The following NDFIP2 variants were observed in gnomAD, a reference collection of about 807,000 sequenced individuals.
NDFIP2 encodes NEDD4 family-interacting protein 2.
NDFIP2 carries 19 observed loss-of-function variants against 36.0 expected under a neutral mutation model. The ratio of observed to expected loss-of-function variants is 0.53; its 90% CI spans 0.37 to 0.77. The LOEUF is 0.77. Ranked by LOEUF, NDFIP2 falls within the 30% of genes least tolerant of loss-of-function variation. NDFIP2 has a pLI of 0.00. For synonymous variants in NDFIP2, 181 were observed against 167.7 expected, an observed-to-expected ratio of 1.08 and a Z score of -0.61; for missense variants, 446 against 435.8, an observed-to-expected ratio of 1.02 and a Z score of -0.21.
chr13:79,485,288 C>T (rs1566652127), intron 1 of NDFIP2, among the ~76,000 whole-genome samples: 1 of 152,114 alleles, frequency 6.6e-6, no homozygotes, highest in Non-Finnish European at 1.5e-5. Context: ...ATGGCAGTTA[C>T]ACACTGTGGT....
At chr13:79,502,470 C>A (rs1463451317) in intron 1 of NDFIP2, among the ~76,000 whole-genome samples, 1 of 152,088 alleles carries the variant, frequency 6.6e-6, no homozygotes, top group African/African-American at 2.4e-5. Flanking sequence ...ATCCGTAGCT[C>A]TGGATTTAGT....
chr13:79,508,528 A>C (rs574042436), intron 1 of NDFIP2, among the ~76,000 whole-genome samples: 100 of 152,344 alleles, frequency 6.6e-4, no homozygotes, highest in Middle Eastern at 3.4e-3. Context: ...CACATAGGGT[A>C]ACTTCCTGAC....
intron 5 of NDFIP2, 63 bp downstream of exon 5, chr13:79,543,745 G>A (rs1222324332): frequency 4.4e-6 from 7 of 1,580,654 alleles, no homozygotes; most frequent in Non-Finnish European, 5.2e-6. Flanking sequence ...AATTTTCTGT[G>A]TGGTTCATAA....
In NDFIP2 at chr13:79,481,420, G is replaced by T; in HGVS notation, c.217G>T (p.Val73Leu). 3 of 1,558,648 alleles carry T rather than the reference G, an allele frequency of 1.9e-6. No individual in the cohort carries two copies. The highest frequency in any genetic ancestry group is 3.9e-5 in the Admixed American group (2 of 51,524). Residue 73 changes from valine (V) to leucine (L), a missense_variant, in exon 1 of 8, where the codon GTG becomes TTG. This residue lies in a region of NDFIP2 where 369 missense variants were observed against 304.8 expected (regional missense o/e 1.21). Transcript: ENST00000218652. ...TGCGGCGACGACGTCGTCGACGGGG[G>T]TGGCCGTGGGAGCTGAGCACGGAGA... Reference protein sequence around the residue: ...GPAATTSSTGVAVGAEHGEDS... With the variant: ...GPAATTSSTGLAVGAEHGEDS...
At chr13:79,532,587 G>A (rs894320219) in intron 2 of NDFIP2, among the ~76,000 whole-genome samples, 1 of 152,092 alleles carries the variant, frequency 6.6e-6, no homozygotes, top group African/African-American at 2.4e-5. Context: ...AAATTGGGGT[G>A]AGAAATACTT....
At chr13:79,531,350 A>G (rs1010056553) in intron 2 of NDFIP2, among the ~76,000 whole-genome samples, 7 of 152,182 alleles carry the variant, frequency 4.6e-5, no homozygotes, top group Non-Finnish European at 1.0e-4. Flanking sequence ...CAGAATGGTA[A>G]ATGAGCATTG....
At chr13:79,497,676 T>TC (rs1873488267) in intron 1 of NDFIP2, among the ~76,000 whole-genome samples, 1 of 149,406 alleles carries the variant, frequency 6.7e-6, no homozygotes, top group Non-Finnish European at 1.5e-5. Context: ...TTTTTTTTTT[T>TC]TCTATTCCTT....
chr13:79,491,348 A>T (rs550064462), intron 1 of NDFIP2, among the ~76,000 whole-genome samples: 4 of 152,156 alleles, frequency 2.6e-5, no homozygotes, highest in African/African-American at 9.6e-5. Context: ...TGGGCTCTTT[A>T]AGGTGGGGGT....
chr13:79,544,621 A>G (rs1435979460), intron 5 of NDFIP2, among the ~76,000 whole-genome samples: 3 of 152,080 alleles, frequency 2.0e-5, no homozygotes, highest in Non-Finnish European at 2.9e-5. Flanking sequence ...ATTAAAATAC[A>G]TACATTCTAC....
intron 1 of NDFIP2, among the ~76,000 whole-genome samples, chr13:79,498,666 C>G (rs1033356293): frequency 5.3e-5 from 8 of 151,926 alleles, no homozygotes; most frequent in African/African-American, 1.7e-4. Context: ...GGGAGCTGAA[C>G]TCACCTTTTA....
rs998484347 is a variant in NDFIP2, at chr13:79,553,420, G to T, written c.*907G>T. On this transcript the variant is annotated 3_prime_UTR_variant, in exon 8 of 8. Coordinates refer to ENST00000218652, the MANE Select transcript of NDFIP2 (RefSeq NM_019080.3). Reference sequence around the variant, plus strand: ...GATCTTGCAGGAAGAGATTGTATTAGATATTATATTTATTTCATTTAAGAT... The same window carrying T: ...GATCTTGCAGGAAGAGATTGTATTATATATTATATTTATTTCATTTAAGAT... The T allele has an allele frequency of 3.3e-5, 5 of 151,252 alleles. No individual in the cohort carries two copies. The highest frequency in any genetic ancestry group is 1.2e-4 in the African/African-American group (5 of 41,352). 9.4% of individuals were successfully genotyped at this position (151,252 alleles called of 1,614,324 possible). A position where few individuals can be genotyped will look rare whatever the true frequency, so the allele number is the denominator to read the frequency against.
chr13:79,511,991 A>G lies in NDFIP2; in HGVS notation c.322-8819A>G, dbSNP rs544926706. ...TTAATGTTCAGATTCTGATTGCTGA[A>G]TATTTTGATATTTTTCTATGCTTTA... On this transcript the variant is annotated intron_variant, in intron 1 of 7. Coordinates refer to ENST00000218652, the MANE Select transcript of NDFIP2 (RefSeq NM_019080.3). Among the ~76,000 whole-genome samples, 15 of 152,278 alleles carry G rather than the reference A, an allele frequency of 9.9e-5. No homozygotes were observed. In the South Asian group the frequency reaches 3.1e-3, roughly 32 times the overall value.
chr13:79,545,561 T>C (rs1450395348), intron 5 of NDFIP2, among the ~76,000 whole-genome samples: 1 of 152,222 alleles, frequency 6.6e-6, no homozygotes, highest in African/African-American at 2.4e-5. Context: ...AAAAATCTTT[T>C]GTATAAAATA....
At chr13:79,547,800 C>G (rs1875743274) in intron 5 of NDFIP2, among the ~76,000 whole-genome samples, 1 of 152,084 alleles carries the variant, frequency 6.6e-6, no homozygotes, top group Non-Finnish European at 1.5e-5. Context: ...TAAAAAGACT[C>G]TAATGGGGGT....
chr13:79,491,689 C>G (rs1873230194), intron 1 of NDFIP2, among the ~76,000 whole-genome samples: 1 of 152,074 alleles, frequency 6.6e-6, no homozygotes, highest in Non-Finnish European at 1.5e-5. Context: ...ATATGTAGGC[C>G]TGACTTGAGT....
chr13:79,543,757 T>C, intron 5 of NDFIP2, 75 bp downstream of exon 5: 1 of 1,545,940 alleles, frequency 6.5e-7, no homozygotes, highest in Non-Finnish European at 8.8e-7. Flanking sequence ...GGTTCATAAA[T>C]GGTCACTTTA....
intron 1 of NDFIP2, among the ~76,000 whole-genome samples, chr13:79,489,169 T>C (rs1389074124): frequency 6.6e-6 from 1 of 152,220 alleles, no homozygotes; most frequent in Non-Finnish European, 1.5e-5. Flanking sequence ...TTGATTCTAC[T>C]CCACATAGTG....
At chr13:79,516,996 CTAGAGT>C (rs777979991) in intron 1 of NDFIP2, among the ~76,000 whole-genome samples, 1 of 152,124 alleles carries the variant, frequency 6.6e-6, no homozygotes, top group Non-Finnish European at 1.5e-5. Context: ...GTACTTCCAG[CTAGAGT>C]TAATCATAAT....
chr13:79,519,396 A>T (rs950763072), intron 1 of NDFIP2, among the ~76,000 whole-genome samples: 1 of 152,194 alleles, frequency 6.6e-6, no homozygotes, highest in Non-Finnish European at 1.5e-5. Flanking sequence ...ATCACTTTTT[A>T]TCGTATTGAT....
Sources: gnomAD v4.1 joint callset for allele counts (sites outside exome capture counted in the v4.1 genomes callset) on GRCh38, gnomAD v4.1.1 for gene constraint, gnomAD v4.1.1 regional missense constraint, MANE v1.5 for transcripts, NCBI Gene and HGNC (gene_info 2026-07-23, HGNC 2026-07-21) for gene names.